The following RBFOX1 variants were observed in gnomAD, a reference collection of about 807,000 sequenced individuals.
RBFOX1 encodes RNA binding fox-1 homolog 1.
A neutral mutation model predicts 57.7 loss-of-function variants in RBFOX1; 8 were observed. The observed-to-expected ratio is 0.14, with a 90% CI of 0.08 to 0.25. RBFOX1 has a LOEUF of 0.25. Ranked by LOEUF, RBFOX1 falls within the 10% of genes least tolerant of loss-of-function variation. The pLI is 1.00. For synonymous variants in RBFOX1, 326 were observed against 222.4 expected, an observed-to-expected ratio of 1.47 and a Z score of -4.15; for missense variants, 611 against 548.5, an observed-to-expected ratio of 1.11 and a Z score of -1.14.
chr16:6,239,906 G>A (rs576295616), intron 1 of RBFOX1, among the ~76,000 whole-genome samples: 72 of 152,204 alleles, frequency 4.7e-4, no homozygotes, highest in African/African-American at 1.4e-3. Context: ...AGTTGTCCCC[G>A]CCCATATCTC....
chr16:5,433,398 C>T (rs1447334153), intron 1 of RBFOX1, among the ~76,000 whole-genome samples: 1 of 152,164 alleles, frequency 6.6e-6, no homozygotes, highest in Non-Finnish European at 1.5e-5. Flanking sequence ...ATGCGTGCTG[C>T]ACTTGGTCAC....
chr16:6,235,613 T>C (rs1567740241), intron 1 of RBFOX1, among the ~76,000 whole-genome samples: 3 of 151,490 alleles, frequency 2.0e-5, no homozygotes, highest in African/African-American at 7.3e-5. Context: ...ATGGGATATT[T>C]ATACATATAT....
intron 3 of RBFOX1, among the ~76,000 whole-genome samples, chr16:7,031,368 G>A (rs750017352): frequency 6.6e-6 from 1 of 152,106 alleles, no homozygotes; most frequent in East Asian, 1.9e-4. Context: ...GGCCGAGGCA[G>A]GTGGATCACT....
intron 2 of RBFOX1, among the ~76,000 whole-genome samples, chr16:6,369,946 A>G (rs893857574): frequency 6.6e-6 from 1 of 152,186 alleles, no homozygotes; most frequent in Admixed American, 6.5e-5. Context: ...AGTTTTGTTC[A>G]TGGTCCAGAA....
intron 3 of RBFOX1, among the ~76,000 whole-genome samples, chr16:6,804,053 C>A (rs771637690): frequency 2.0e-5 from 3 of 151,868 alleles, no homozygotes; most frequent in Non-Finnish European, 4.4e-5. Flanking sequence ...GTCACCCTGG[C>A]TAGAGTGCAA....
At chr16:7,154,136 T>C (rs1455163062) in intron 4 of RBFOX1, among the ~76,000 whole-genome samples, 1 of 152,222 alleles carries the variant, frequency 6.6e-6, no homozygotes, top group Non-Finnish European at 1.5e-5. Context: ...TTGCACATCA[T>C]AGTTCATCAT....
intron 2 of RBFOX1, among the ~76,000 whole-genome samples, chr16:6,450,765 G>GTATATATATATATATACATATATATA (rs1303973736): frequency 2.6e-4 from 5 of 19,448 alleles, no homozygotes; most frequent in African/African-American, 4.1e-4. Context: ...ATATATATAT[G>GTATATATATATATATACATATATATA]TGTATATATA....
chr16:7,664,909 TTGTG>T lies in RBFOX1; in HGVS notation c.891-15_891-12del. 1 of 1,613,924 alleles carries T rather than the reference TTGTG, an allele frequency of 6.2e-7. No individual in the cohort carries two copies. Among genetic ancestry groups the T allele is most frequent in the Non-Finnish European group, 8.5e-7 (1 of 1,179,820 alleles). On this transcript the variant is annotated splice_polypyrimidine_tract_variant and intron_variant, in intron 12 of 15. Transcript: ENST00000550418. ...AATGCACTAATATGGATGTTTCTCT[TTGTG>T]TGTGCACCCTTGCAGTGTTGTTTAC...
intron 4 of RBFOX1, among the ~76,000 whole-genome samples, chr16:7,394,498 C>G (rs1479583830): frequency 6.6e-6 from 1 of 152,048 alleles, no homozygotes; most frequent in Non-Finnish European, 1.5e-5. Context: ...GTCAAACCCC[C>G]ACACCTTTAG....
chr16:7,335,832 T>C (rs1186944098), intron 4 of RBFOX1, among the ~76,000 whole-genome samples: 2 of 152,208 alleles, frequency 1.3e-5, no homozygotes, highest in African/African-American at 2.4e-5. Context: ...CATTATTTTA[T>C]GTCTACACTT....
chr16:6,187,603 G>C (rs2097113300), intron 1 of RBFOX1, among the ~76,000 whole-genome samples: 1 of 152,202 alleles, frequency 6.6e-6, no homozygotes, highest in Admixed American at 6.5e-5. Flanking sequence ...ATATCAGTTA[G>C]GAGATTTTCA....
chr16:7,462,846 T>C (rs1357239830), intron 4 of RBFOX1, among the ~76,000 whole-genome samples: 1 of 152,174 alleles, frequency 6.6e-6, no homozygotes, highest in East Asian at 1.9e-4. Context: ...TCTCCATGTT[T>C]CTCTTTTGCC....
intron 3 of RBFOX1, among the ~76,000 whole-genome samples, chr16:5,620,832 C>T (rs1243739417): frequency 6.6e-6 from 1 of 152,024 alleles, no homozygotes; most frequent in Non-Finnish European, 1.5e-5. Context: ...GCATGTGCCA[C>T]TACACTCAAT....
chr16:5,248,711 C>T (rs1374110892), intron 1 of RBFOX1, among the ~76,000 whole-genome samples: 5 of 152,066 alleles, frequency 3.3e-5, no homozygotes, highest in Admixed American at 1.3e-4. Flanking sequence ...ACAAGAGGGC[C>T]GGGCACGGTG....
rs117634694 is a variant in RBFOX1 at position 6,515,510 on chromosome 16, G to C, written c.-63-139093G>C. 4.9e-3 allele frequency among the ~76,000 whole-genome samples: 741 copies of C among 152,296 alleles called. 19 individuals carry two copies. In the East Asian group the frequency reaches 0.093, roughly 19 times the overall value. On this transcript the variant is annotated intron_variant, in intron 2 of 15. Transcript: ENST00000550418. Reference sequence around the variant, plus strand: ...ACTTTGGGTCATACCCAAATGGCCAGTTACATTGTTCCCATGTCTTCCCTT... The same window carrying C: ...ACTTTGGGTCATACCCAAATGGCCACTTACATTGTTCCCATGTCTTCCCTT...
At chr16:6,801,194 A>C (rs1285880486) in intron 3 of RBFOX1, among the ~76,000 whole-genome samples, 1 of 136,646 alleles carries the variant, frequency 7.3e-6, no homozygotes. Flanking sequence ...TCAAGATTGA[A>C]CATGCAAAAA....
intron 1 of RBFOX1, among the ~76,000 whole-genome samples, chr16:5,387,602 A>C (rs568694652): frequency 6.6e-6 from 1 of 152,322 alleles, no homozygotes; most frequent in South Asian, 2.1e-4. Flanking sequence ...ACTGAAACAT[A>C]ATCTCACGGC....
At chr16:7,027,990 G>T in intron 3 of RBFOX1, among the ~76,000 whole-genome samples, 1 of 151,940 alleles carries the variant, frequency 6.6e-6, no homozygotes, top group South Asian at 2.1e-4. Flanking sequence ...AGGACGAAAG[G>T]CAAGAAGGAA....
At chr16:5,431,532 G>A (rs956920112) in intron 1 of RBFOX1, among the ~76,000 whole-genome samples, 1 of 151,982 alleles carries the variant, frequency 6.6e-6, no homozygotes, top group African/African-American at 2.4e-5. Context: ...CCACCACCAT[G>A]CCCGGCTAGT....
Sources: gnomAD v4.1 joint callset for allele counts (sites outside exome capture counted in the v4.1 genomes callset) on GRCh38, gnomAD v4.1.1 for gene constraint, MANE v1.5 for transcripts, NCBI Gene and HGNC (gene_info 2026-07-23, HGNC 2026-07-21) for gene names.